PXK: variants seen among roughly 807,000 people sequenced by gnomAD.
PXK encodes the protein PX domain-containing protein kinase-like protein.
Under a neutral mutation model 84.7 loss-of-function variants are expected in PXK, and 35 were observed. That is an observed-to-expected ratio of 0.41 (90% CI 0.32 to 0.55). The LOEUF is 0.55. Ranked by LOEUF, PXK falls within the 20% of genes least tolerant of loss-of-function variation. The pLI is 0.21. For missense variants in PXK, 634 were observed against 699.7 expected (o/e 0.91, Z 1.06); for synonymous variants, 253 against 260.8 (o/e 0.97, Z 0.29).
chr3:58,364,207 A>G lies in PXK; in HGVS notation c.103-1667A>G, dbSNP rs958978550. Among the ~76,000 whole-genome samples, 1 of 151,978 alleles carries G rather than the reference A, an allele frequency of 6.6e-6. No individual in the cohort carries two copies. The highest frequency in any genetic ancestry group is 2.4e-5 in the African/African-American group (1 of 41,374). On this transcript the variant is annotated intron_variant, in intron 1 of 17. Transcript: ENST00000356151. The surrounding 1 kb of genome is among the most constrained non-coding windows in gnomAD (Gnocchi z 4.3). ...ATTGATCTATAGTTCTCTTTTTTGTACTGTCTTTGGTTTTGGGACCTGGGT... is the reference window on the plus strand; with the variant it reads ...ATTGATCTATAGTTCTCTTTTTTGTGCTGTCTTTGGTTTTGGGACCTGGGT...
chr3:58,390,654 A>C lies in PXK; in HGVS notation c.461A>C (p.Asp154Ala), dbSNP rs1046296638. ...TGGGAGGTGGTGGAACCTTTGAAAGACATAGGTGAGACATTGGCACGCTCA... is the reference window on the plus strand; with the variant it reads ...TGGGAGGTGGTGGAACCTTTGAAAGCCATAGGTGAGACATTGGCACGCTCA... ...PKWEVVEPLK[D>A]IGWRIRKKYF... is the part of the protein sequence containing the mutation. Residue 154 changes from aspartate to alanine, a missense_variant, in exon 5 of 18, where the codon GAC (aspartate) becomes GCC (alanine). By Grantham distance (126) the Asp-to-Ala change is moderately radical (BLOSUM62 -2). Around this residue, in one of 3 missense-constraint regions of PXK, gnomAD observed 353 missense variants for 385.2 expected, o/e 0.92. Coordinates refer to ENST00000356151, the MANE Select transcript of PXK (RefSeq NM_017771.5). This position sits in a 1 kb window ranked among gnomAD's most constrained non-coding sequence, Gnocchi z 4.2. 1.2e-6 allele frequency: 2 copies of C among 1,611,718 alleles called. No homozygotes were observed. Among genetic ancestry groups the C allele is most frequent in the Non-Finnish European group, 1.7e-6 (2 of 1,178,466 alleles).
chr3:58,371,677 C>CATAA (rs898303926), intron 3 of PXK, among the ~76,000 whole-genome samples: 2 of 152,172 alleles, frequency 1.3e-5, no homozygotes, highest in Non-Finnish European at 1.5e-5. Context: ...CAACTCTTCA[C>CATAA]TTATGGCCTT....
At chr3:58,347,532 AG>A (rs1302274055) in intron 1 of PXK, among the ~76,000 whole-genome samples, 4 of 152,200 alleles carry the variant, frequency 2.6e-5, no homozygotes, top group African/African-American at 9.6e-5. Flanking sequence ...CTTAACGTAA[AG>A]CTTTGAAATT....
intron 1 of PXK, among the ~76,000 whole-genome samples, chr3:58,339,898 T>G (rs1188419613): frequency 6.6e-6 from 1 of 151,764 alleles, no homozygotes; most frequent in Non-Finnish European, 1.5e-5. Flanking sequence ...CACTGCAACC[T>G]CCACCTCCTG....
intron 1 of PXK, among the ~76,000 whole-genome samples, chr3:58,357,009 G>A (rs773970896): frequency 1.3e-5 from 2 of 151,262 alleles, no homozygotes; most frequent in African/African-American, 2.4e-5. Flanking sequence ...GGCTGGGCGC[G>A]GTGGCTCACA....
chr3:58,373,993 C>T (rs942844062), intron 3 of PXK, among the ~76,000 whole-genome samples: 4 of 146,612 alleles, frequency 2.7e-5, no homozygotes, highest in South Asian at 2.2e-4. Flanking sequence ...TGCAGTGAGC[C>T]GAGATCGCAC....
At chr3:58,375,308 G>A (rs897430021) in intron 3 of PXK, among the ~76,000 whole-genome samples, 3 of 152,054 alleles carry the variant, frequency 2.0e-5, no homozygotes, top group Admixed American at 6.6e-5. Flanking sequence ...TATACAATCA[G>A]TTTGATAAAC....
chr3:58,350,079 G>A (rs1164529186), intron 1 of PXK, among the ~76,000 whole-genome samples: 10 of 152,174 alleles, frequency 6.6e-5, no homozygotes, highest in Non-Finnish European at 1.3e-4. Flanking sequence ...ACCCTGTTCC[G>A]TTTTTGTACA....
At chr3:58,423,878 C>T (rs1044213829) in intron 17 of PXK, among the ~76,000 whole-genome samples, 2 of 152,212 alleles carry the variant, frequency 1.3e-5, no homozygotes, top group African/African-American at 4.8e-5. Flanking sequence ...TGCAAATGTC[C>T]ATGTGCCTGG....
intron 3 of PXK, among the ~76,000 whole-genome samples, chr3:58,378,385 C>T (rs2098461499): frequency 6.6e-6 from 1 of 152,002 alleles, no homozygotes; most frequent in Non-Finnish European, 1.5e-5. Flanking sequence ...CTTTTGGTGC[C>T]CCACTCTTGA....
At chr3:58,342,940 A>T (rs971867101) in intron 1 of PXK, among the ~76,000 whole-genome samples, 27 of 152,208 alleles carry the variant, frequency 1.8e-4, no homozygotes, top group African/African-American at 6.5e-4. Context: ...GGTTCTAGGC[A>T]CGGCTCTGCC....
Position 58,391,841 on chromosome 3 carries a change from T to C in PXK, c.609T>C (p.Ser203=), listed in dbSNP as rs1423029969. Residue 203 remains serine, a synonymous_variant, in exon 7 of 18, where the codon TCT becomes TCC. Transcript: ENST00000356151. ...DFQCLIKLLP[S]CLHPYIYRVT... ...AGTGTCTAATCAAACTTCTGCCTTC[T>C]TGTTTGGTGAGTATACGTCTTTCTT... 3.7e-6 allele frequency: 6 copies of C among 1,608,936 alleles called. No homozygotes were observed. The highest frequency in any genetic ancestry group is 5.1e-6 in the Non-Finnish European group (6 of 1,175,374).
intron 1 of PXK, among the ~76,000 whole-genome samples, chr3:58,350,637 C>G (rs1215890112): frequency 6.6e-6 from 1 of 152,124 alleles, no homozygotes; most frequent in Non-Finnish European, 1.5e-5. Flanking sequence ...AGGCATCTAC[C>G]CTCTCTGAGC....
In PXK at chr3:58,397,800, A is replaced by C. The variant is rs2107183380; in HGVS notation, c.1102+78A>C. ...CTCATCCCCTTTCCAGAGTCCAGGA[A>C]AGACCCAGAGGAAGTTGCTGTCCTC... On this transcript the variant is annotated intron_variant, in intron 11 of 17. Transcript: ENST00000356151. The surrounding 1 kb of genome is among the most constrained non-coding windows in gnomAD (Gnocchi z 4.7). 1 of 1,214,534 alleles carries C rather than the reference A, an allele frequency of 8.2e-7. No individual in the cohort carries two copies. The highest frequency in any genetic ancestry group is 1.5e-5 in the African/African-American group (1 of 66,802). The allele number at this position is 1,214,534 out of a possible 1,614,324, so 75.2% of individuals were successfully genotyped here. A position where few individuals can be genotyped will look rare whatever the true frequency, so the allele number is the denominator to read the frequency against.
At chr3:58,362,845 C>T (rs980366014) in intron 1 of PXK, among the ~76,000 whole-genome samples, 7 of 152,166 alleles carry the variant, frequency 4.6e-5, no homozygotes, top group African/African-American at 1.4e-4. Context: ...TCCTGAGTAG[C>T]TGGGACTACA....
chr3:58,392,583 A>G (rs576458827), intron 7 of PXK, among the ~76,000 whole-genome samples: 3 of 152,254 alleles, frequency 2.0e-5, no homozygotes, highest in African/African-American at 7.2e-5. Context: ...AATGAGGTGC[A>G]ATGTGAGGCC....
At chr3:58,335,216 A>G (rs1056942651) in intron 1 of PXK, among the ~76,000 whole-genome samples, 46 of 152,136 alleles carry the variant, frequency 3.0e-4, no homozygotes, top group African/African-American at 1.1e-3. Context: ...TTTAGGGTAG[A>G]AAATGGCAGT....
rs1006256768 is a variant in PXK, at chr3:58,364,574, C to T, written c.103-1300C>T. On this transcript the variant is annotated intron_variant, in intron 1 of 17. Transcript: ENST00000356151. The surrounding 1 kb of genome is among the most constrained non-coding windows in gnomAD (Gnocchi z 4.3). ...TAAAAACACAAAAATTAGCCGGGAACAGTGGCAGGCACCTGTAATCCCAGC... is the reference window on the plus strand; with the variant it reads ...TAAAAACACAAAAATTAGCCGGGAATAGTGGCAGGCACCTGTAATCCCAGC... Among the ~76,000 whole-genome samples the T allele has an allele frequency of 2.6e-5, 4 of 151,984 alleles. No homozygotes were observed. Among genetic ancestry groups the T allele is most frequent in the Admixed American group, 6.6e-5 (1 of 15,254 alleles).
chr3:58,387,574 A>C (rs1230873618), intron 4 of PXK, among the ~76,000 whole-genome samples: 1 of 152,146 alleles, frequency 6.6e-6, no homozygotes, highest in Non-Finnish European at 1.5e-5. Context: ...GGCTTCCCAG[A>C]AGAGTTCATT....
Sources: gnomAD v4.1 joint callset for allele counts (sites outside exome capture counted in the v4.1 genomes callset) on GRCh38, gnomAD v4.1.1 for gene constraint, gnomAD v4.1.1 regional missense constraint, Gnocchi (gnomAD v3.1) non-coding constraint, MANE v1.5 for transcripts, NCBI Gene and HGNC (gene_info 2026-07-23, HGNC 2026-07-21) for gene names.